The following SCHIP1 variants were observed in gnomAD, a reference collection of about 807,000 sequenced individuals.
SCHIP1 encodes the protein schwannomin interacting protein 1, also known as schwannomin-interacting protein 1.
A neutral mutation model predicts 29.7 loss-of-function variants in SCHIP1; 8 were observed. The ratio of observed to expected loss-of-function variants is 0.27; its 90% CI spans 0.16 to 0.49. SCHIP1 has a LOEUF of 0.49. Among genes scored for constraint, SCHIP1 ranks in the 20% least tolerant of loss-of-function variants. SCHIP1 has a pLI of 0.99. For missense variants in SCHIP1, 193 were observed against 294.6 expected, an observed-to-expected ratio of 0.66 and a Z score of 2.52; for synonymous variants, 76 against 94.9, an observed-to-expected ratio of 0.80 and a Z score of 1.16.
At chr3:159,470,871 G>C in the SCHIP1 span, among the ~76,000 whole-genome samples, 3 of 151,958 alleles carry the variant, frequency 2.0e-5, no homozygotes, top group Non-Finnish European at 4.4e-5. Context: ...TCAATACTAA[G>C]ATGAAGAAAC....
the SCHIP1 span, among the ~76,000 whole-genome samples, chr3:159,296,407 G>A: frequency 6.6e-6 from 1 of 152,108 alleles, no homozygotes; most frequent in South Asian, 2.1e-4. Context: ...CCAGAGTCAA[G>A]TTAATTAACA....
the SCHIP1 span, among the ~76,000 whole-genome samples, chr3:159,361,950 C>T: frequency 6.6e-6 from 1 of 152,122 alleles, no homozygotes; most frequent in African/African-American, 2.4e-5. Context: ...AGATATTAGA[C>T]ATGTGACATT....
At chr3:159,758,680 C>T in the SCHIP1 span, among the ~76,000 whole-genome samples, 1 of 152,232 alleles carries the variant, frequency 6.6e-6, no homozygotes, top group South Asian at 2.1e-4. Flanking sequence ...TACTGTTGTG[C>T]AGATTGTACA....
chr3:159,516,046 G>C, the SCHIP1 span, among the ~76,000 whole-genome samples: 1 of 152,098 alleles, frequency 6.6e-6, no homozygotes, highest in African/African-American at 2.4e-5. Context: ...CTACCTCTCA[G>C]ATCATTTCTG....
the SCHIP1 span, among the ~76,000 whole-genome samples, chr3:159,802,355 T>C: frequency 2.0e-5 from 3 of 152,348 alleles, no homozygotes; most frequent in African/African-American, 4.8e-5. Context: ...TTGTATCTAA[T>C]TGATAGTTGC....
At chr3:159,821,435 C>A in the SCHIP1 span, among the ~76,000 whole-genome samples, 1 of 152,070 alleles carries the variant, frequency 6.6e-6, no homozygotes, top group Non-Finnish European at 1.5e-5. Context: ...ACAGTCATTC[C>A]CCCTTATCCA....
At chr3:159,361,995 T>C in the SCHIP1 span, among the ~76,000 whole-genome samples, 2 of 152,152 alleles carry the variant, frequency 1.3e-5, no homozygotes, top group Non-Finnish European at 2.9e-5. Flanking sequence ...AGAGGTATGA[T>C]CTAGGGATAC....
chr3:159,473,620 G>T, the SCHIP1 span, among the ~76,000 whole-genome samples: 2,403 of 146,298 alleles, frequency 0.016, 72 homozygotes, highest in African/African-American at 0.057. Flanking sequence ...TATTGAATTT[G>T]GGCAAGAAGG....
chr3:159,339,255 TAA>T, the SCHIP1 span, among the ~76,000 whole-genome samples: 3,667 of 138,596 alleles, frequency 0.026, 109 homozygotes, highest in African/African-American at 0.066. Flanking sequence ...TCATTAGAAT[TAA>T]AAAAAAAAAA....
At chr3:159,341,226 G>A in the SCHIP1 span, among the ~76,000 whole-genome samples, 1 of 150,634 alleles carries the variant, frequency 6.6e-6, no homozygotes, top group Non-Finnish European at 1.5e-5. Flanking sequence ...AAGTGCTGCC[G>A]CCTTACTGCC....
chr3:159,798,913 A>C, the SCHIP1 span, among the ~76,000 whole-genome samples: 8 of 152,256 alleles, frequency 5.3e-5, no homozygotes, highest in African/African-American at 1.9e-4. Context: ...GAGTTAAAAC[A>C]AAGTGAATTT....
chr3:159,883,164 A>G (rs919395745), intron 2 of SCHIP1, among the ~76,000 whole-genome samples: 49 of 152,362 alleles, frequency 3.2e-4, no homozygotes, highest in African/African-American at 1.1e-3. Flanking sequence ...GCCTTTGTAC[A>G]GTGCTCTGCT....
chr3:159,495,695 T>C, the SCHIP1 span, among the ~76,000 whole-genome samples: 47 of 152,324 alleles, frequency 3.1e-4, no homozygotes, highest in East Asian at 5.8e-4. Flanking sequence ...AGGTAATTTA[T>C]AGATTCAATG....
At chr3:159,458,568 T>TC in the SCHIP1 span, among the ~76,000 whole-genome samples, 2 of 151,880 alleles carry the variant, frequency 1.3e-5, no homozygotes, top group South Asian at 2.1e-4. Flanking sequence ...ACTTTTCTTT[T>TC]TTTTTTTTTT....
At chr3:159,399,246 T>C in the SCHIP1 span, among the ~76,000 whole-genome samples, 4 of 152,224 alleles carry the variant, frequency 2.6e-5, no homozygotes, top group Non-Finnish European at 5.9e-5. Flanking sequence ...AAAATTGTAA[T>C]CACAGCCCCT....
the SCHIP1 span, among the ~76,000 whole-genome samples, chr3:159,585,968 G>A: frequency 6.6e-6 from 1 of 152,098 alleles, no homozygotes; most frequent in Non-Finnish European, 1.5e-5. Context: ...ATGGATGGAT[G>A]AATGGATGGA....
At chr3:159,825,116 A>G in the SCHIP1 span, among the ~76,000 whole-genome samples, 1 of 152,226 alleles carries the variant, frequency 6.6e-6, no homozygotes, top group Non-Finnish European at 1.5e-5. Flanking sequence ...AGTTGGCAAT[A>G]TTAAGTTATT....
chr3:159,409,903 G>A, the SCHIP1 span, among the ~76,000 whole-genome samples: 2 of 152,112 alleles, frequency 1.3e-5, no homozygotes, highest in Non-Finnish European at 2.9e-5. Flanking sequence ...AACCAAAACA[G>A]CATGGCACTG....
the SCHIP1 span, among the ~76,000 whole-genome samples, chr3:159,488,956 CCT>C: frequency 2.0e-5 from 3 of 152,146 alleles, no homozygotes; most frequent in Admixed American, 2.0e-4. Context: ...ACTCTAAGCC[CCT>C]GTGTTTCTCT....
Sources: allele counts gnomAD v4.1 joint callset (sites outside exome capture counted in the v4.1 genomes callset), GRCh38; gene constraint gnomAD v4.1.1; transcripts MANE v1.5; gene names NCBI Gene and HGNC (gene_info 2026-07-23, HGNC 2026-07-21).